EYS: variants seen among roughly 807,000 people sequenced by gnomAD.
The protein encoded by EYS is protein eyes shut homolog.
In EYS, 250 loss-of-function variants were observed where a neutral mutation model predicts 282.1. That is an observed-to-expected ratio of 0.89 (90% CI 0.80 to 0.98). The LOEUF (loss-of-function observed/expected upper bound fraction) is 0.98. EYS is among the 50% of genes least tolerant of loss of function. EYS has a pLI of 0.00. For missense variants in EYS, 4,016 were observed against 3,709.0 expected (o/e 1.08, Z -2.15); for synonymous variants, 1,355 against 1,282.9 (o/e 1.06, Z -1.20).
chr6:64,000,708 C>T (rs988723710), intron 33 of EYS, among the ~76,000 whole-genome samples: 21 of 152,220 alleles, frequency 1.4e-4, no homozygotes, highest in East Asian at 5.8e-4. Flanking sequence ...CTCTTAAAGG[C>T]GCAACTGTGG....
intron 12 of EYS, among the ~76,000 whole-genome samples, chr6:65,217,103 A>C (rs1037274063): frequency 1.3e-5 from 2 of 152,058 alleles, no homozygotes; most frequent in Admixed American, 6.6e-5. Context: ...ATATTTTAAT[A>C]GTGTATCCGA....
chr6:64,993,989 T>C (rs564747532), intron 14 of EYS, among the ~76,000 whole-genome samples: 2 of 151,692 alleles, frequency 1.3e-5, no homozygotes, highest in Admixed American at 1.3e-4. Flanking sequence ...TCCCCTGCTG[T>C]TATCAAAAAT....
intron 12 of EYS, among the ~76,000 whole-genome samples, chr6:65,160,044 T>C (rs1163188606): frequency 6.6e-6 from 1 of 151,042 alleles, no homozygotes; most frequent in Admixed American, 6.6e-5. Flanking sequence ...CTGCCACAAT[T>C]TGATTTTTTG....
At chr6:64,288,633 C>G (rs1253863549) in intron 30 of EYS, among the ~76,000 whole-genome samples, 2 of 152,130 alleles carry the variant, frequency 1.3e-5, no homozygotes, top group Non-Finnish European at 2.9e-5. Context: ...TCTCTGTCCT[C>G]TCTACTTTAT....
At chr6:64,321,033 A>G (rs1016046858) in intron 29 of EYS, among the ~76,000 whole-genome samples, 1 of 151,654 alleles carries the variant, frequency 6.6e-6, no homozygotes, top group East Asian at 1.9e-4. Context: ...TTTTCATACT[A>G]TTTCATAAAT....
intron 31 of EYS, among the ~76,000 whole-genome samples, chr6:64,214,114 A>G (rs1246219988): frequency 6.6e-6 from 1 of 152,144 alleles, no homozygotes; most frequent in Non-Finnish European, 1.5e-5. Flanking sequence ...TAGAAAGGGA[A>G]CTGAAATGCA....
chr6:64,391,109 G>C, intron 28 of EYS, among the ~76,000 whole-genome samples: 1 of 152,152 alleles, frequency 6.6e-6, no homozygotes, highest in Non-Finnish European at 1.5e-5. Context: ...AAGCCTCCAA[G>C]AAATATGGGA....
At chr6:64,050,227 C>T (rs1205653922) in intron 33 of EYS, among the ~76,000 whole-genome samples, 1 of 152,102 alleles carries the variant, frequency 6.6e-6, no homozygotes, top group East Asian at 1.9e-4. Flanking sequence ...CTCTGATCAT[C>T]CCCTCTTTGG....
intron 2 of EYS, among the ~76,000 whole-genome samples, chr6:65,558,460 C>A (rs1768905047): frequency 6.6e-6 from 1 of 152,154 alleles, no homozygotes; most frequent in African/African-American, 2.4e-5. Flanking sequence ...AGGGGGTTTC[C>A]CAGGATCCCA....
intron 24 of EYS, among the ~76,000 whole-genome samples, chr6:64,608,630 T>C (rs1259077109): frequency 6.6e-6 from 1 of 152,148 alleles, no homozygotes; most frequent in African/African-American, 2.4e-5. Flanking sequence ...AACAGCCTTA[T>C]TCATGATTGC....
chr6:64,849,743 T>A (rs892243165), intron 19 of EYS, among the ~76,000 whole-genome samples: 2 of 151,942 alleles, frequency 1.3e-5, no homozygotes, highest in African/African-American at 2.4e-5. Flanking sequence ...TGAGTGTTAA[T>A]CACAGGCCAC....
intron 42 of EYS, 109 bp from the exon 43 acceptor site, chr6:63,721,906 A>T: frequency 8.2e-6 from 8 of 978,994 alleles, no homozygotes; most frequent in Non-Finnish European, 1.2e-5. Context: ...GGAAAAAAGT[A>T]ACAGATCTTG....
chr6:65,512,801 G>A (rs930635697), intron 2 of EYS, among the ~76,000 whole-genome samples: 1 of 151,822 alleles, frequency 6.6e-6, no homozygotes. Context: ...TGTGTAGAGG[G>A]AAATTTATAG....
chr6:65,549,890 G>GA (rs1326421332), intron 2 of EYS, among the ~76,000 whole-genome samples: 3 of 152,190 alleles, frequency 2.0e-5, no homozygotes, highest in Non-Finnish European at 4.4e-5. Flanking sequence ...TAGTCAGGGA[G>GA]ATCGATGTTC....
intron 11 of EYS, chr6:65,330,885 G>T: frequency 1.0e-6 from 1 of 961,420 alleles, no homozygotes; most frequent in Non-Finnish European, 1.2e-6. Flanking sequence ...TTCATTTAAG[G>T]TCTTATTATG....
intron 22 of EYS, among the ~76,000 whole-genome samples, chr6:64,634,137 C>T (rs1767888185): frequency 6.6e-6 from 1 of 152,146 alleles, no homozygotes; most frequent in Admixed American, 6.5e-5. Flanking sequence ...GTGTGCGCCA[C>T]CAAGCCCAGC....
At chr6:65,443,237 T>C (rs1582300865) in intron 5 of EYS, among the ~76,000 whole-genome samples, 2 of 151,716 alleles carry the variant, frequency 1.3e-5, no homozygotes, top group African/African-American at 2.4e-5. Flanking sequence ...TATGTGAACA[T>C]ATAGACATAT....
intron 5 of EYS, among the ~76,000 whole-genome samples, chr6:65,483,998 C>T (rs1338936446): frequency 6.6e-6 from 1 of 152,024 alleles, no homozygotes; most frequent in African/African-American, 2.4e-5. Flanking sequence ...TCCCACAACA[C>T]GTGGGAATTC....
intron 33 of EYS, among the ~76,000 whole-genome samples, chr6:64,042,660 C>T (rs148233167): frequency 3.0e-4 from 46 of 152,272 alleles, no homozygotes; most frequent in Non-Finnish European, 6.0e-4. Flanking sequence ...AGTCTTTATA[C>T]GACCTGAGTT....
Sources: allele counts gnomAD v4.1 joint callset (sites outside exome capture counted in the v4.1 genomes callset), GRCh38; gene constraint gnomAD v4.1.1; transcripts MANE v1.5; gene names NCBI Gene and HGNC (gene_info 2026-07-23, HGNC 2026-07-21).